The following SKA2 variants were observed in gnomAD, a reference collection of about 807,000 sequenced individuals.
SKA2 encodes the protein spindle and kinetochore associated complex subunit 2.
In SKA2, 13 loss-of-function variants were observed where a neutral mutation model predicts 16.9. That is an observed-to-expected ratio of 0.77 (90% CI 0.50 to 1.22). SKA2 has a LOEUF of 1.22. SKA2 is among the 50% of genes most tolerant of loss of function. The pLI is 0.00. For missense variants in SKA2, 107 were observed against 139.7 expected, an observed-to-expected ratio of 0.77 and a Z score of 1.18; for synonymous variants, 47 against 48.5, an observed-to-expected ratio of 0.97 and a Z score of 0.13.
intron 2 of SKA2, among the ~76,000 whole-genome samples, chr17:59,124,893 T>TAGCACC (rs1378954951): frequency 6.6e-6 from 1 of 152,130 alleles, no homozygotes; most frequent in Non-Finnish European, 1.5e-5. Context: ...GGTTAGGACT[T>TAGCACC]AGCACCATAC....
rs182748207 is a variant in SKA2 at position 59,150,961 on chromosome 17, A to G, written c.33+4170T>C. Among the ~76,000 whole-genome samples the G allele has an allele frequency of 9.8e-4, 150 of 152,302 alleles. 1 individual carries two copies. Among genetic ancestry groups the G allele is most frequent in the African/African-American group, 3.4e-3 (140 of 41,568 alleles). ...AAATATTCTCCAGACGTGTTTCATAATGCAGTAAAATATTGTTTTTAATTA... is the reference window on the plus strand; with the variant it reads ...AAATATTCTCCAGACGTGTTTCATAGTGCAGTAAAATATTGTTTTTAATTA... On this transcript the variant is annotated intron_variant, in intron 1 of 3. Coordinates refer to ENST00000330137, the MANE Select transcript of SKA2 (RefSeq NM_182620.4).
rs2046259016 is a variant in SKA2 at position 59,110,788 on chromosome 17, C to CAAAACAA, written c.*1488_*1489insTTGTTTT. The CAAAACAA allele has an allele frequency of 3.7e-5, 2 of 53,596 alleles. No homozygotes were observed. The highest frequency in any genetic ancestry group is 6.7e-5 in the Non-Finnish European group (2 of 29,648). The allele number at this position is 53,596 out of a possible 1,614,324, so 3.3% of individuals were successfully genotyped here. Reference sequence around the variant, plus strand: ...TGGGCAACAGAGTGAGACTCCGTCTCAAAAAAAAAAAAAAAAAAAAAAAGG... The same window carrying CAAAACAA: ...TGGGCAACAGAGTGAGACTCCGTCTCAAAACAAAAAAAAAAAAAAAAAAAAAAAAAGG... On this transcript the variant is annotated 3_prime_UTR_variant, in exon 4 of 4. Transcript: ENST00000330137.
chr17:59,116,303 G>A (rs1216309309), intron 3 of SKA2, among the ~76,000 whole-genome samples: 2 of 152,190 alleles, frequency 1.3e-5, no homozygotes, highest in Non-Finnish European at 2.9e-5. Flanking sequence ...AATCCAGGAG[G>A]CGGAAGTTGC....
intron 2 of SKA2, among the ~76,000 whole-genome samples, chr17:59,125,224 C>A (rs1397228363): frequency 1.4e-5 from 2 of 146,442 alleles, no homozygotes; most frequent in Non-Finnish European, 3.0e-5. Context: ...TCCTGGCCCT[C>A]AGGTGATCCA....
At chr17:59,136,674 G>A (rs558099040) in intron 1 of SKA2, among the ~76,000 whole-genome samples, 10 of 151,598 alleles carry the variant, frequency 6.6e-5, no homozygotes, top group African/African-American at 9.7e-5. Flanking sequence ...TCATCCTCCC[G>A]AGCGGATGGG....
chr17:59,116,765 G>T (rs2046298933), intron 3 of SKA2, among the ~76,000 whole-genome samples: 2 of 130,292 alleles, frequency 1.5e-5, no homozygotes, highest in African/African-American at 2.9e-5. Context: ...TAACCTTTTG[G>T]TTATTTTAGA....
chr17:59,116,478 T>C (rs948234319), intron 3 of SKA2, among the ~76,000 whole-genome samples: 26 of 152,330 alleles, frequency 1.7e-4, no homozygotes, highest in African/African-American at 6.0e-4. Context: ...AGAAAGATTA[T>C]GAAATTAGTA....
chr17:59,112,905 T>C (rs1454954104), intron 3 of SKA2, among the ~76,000 whole-genome samples: 1 of 152,026 alleles, frequency 6.6e-6, no homozygotes, highest in Non-Finnish European at 1.5e-5. Flanking sequence ...CCATCTAATT[T>C]TTTTCCAAAA....
intron 1 of SKA2, chr17:59,137,761 G>A (rs751425339): frequency 3.8e-6 from 2 of 524,248 alleles, no homozygotes; most frequent in East Asian, 1.1e-4. Context: ...TCTGCAGCCT[G>A]CCCATTGTTC....
chr17:59,135,120 C>A (rs1293770978), intron 1 of SKA2, among the ~76,000 whole-genome samples: 22 of 152,148 alleles, frequency 1.4e-4, no homozygotes, highest in Non-Finnish European at 7.4e-5. Flanking sequence ...CAGGTGTGAG[C>A]CACCAGCCTG....
At chr17:59,119,694 A>G (rs1486962018) in intron 2 of SKA2, among the ~76,000 whole-genome samples, 199 bp from the exon 3 acceptor site, 1 of 152,272 alleles carries the variant, frequency 6.6e-6, no homozygotes, top group Admixed American at 6.5e-5. Flanking sequence ...TTCTCAAGGA[A>G]TTTATAGCCT....
chr17:59,112,411 T>G, intron 3 of SKA2, 66 bp from the exon 4 acceptor site: 1 of 1,168,534 alleles, frequency 8.6e-7, no homozygotes, highest in Non-Finnish European at 1.3e-6. Flanking sequence ...TTTAGTTAAC[T>G]TCTGCATTGT....
intron 1 of SKA2, among the ~76,000 whole-genome samples, chr17:59,134,000 T>C (rs1325797170): frequency 6.6e-6 from 1 of 152,198 alleles, no homozygotes; most frequent in East Asian, 1.9e-4. Flanking sequence ...GCTTTTCATT[T>C]ATCCTCTATA....
chr17:59,148,417 A>C (rs755847754), intron 1 of SKA2, among the ~76,000 whole-genome samples: 4 of 152,118 alleles, frequency 2.6e-5, no homozygotes, highest in Non-Finnish European at 5.9e-5. Context: ...CTCTAAAAAA[A>C]TAAAAATAAA....
chr17:59,126,602 T>C (rs949694154), intron 2 of SKA2, among the ~76,000 whole-genome samples: 1 of 152,076 alleles, frequency 6.6e-6, no homozygotes, highest in Non-Finnish European at 1.5e-5. Flanking sequence ...TGGACAAATC[T>C]ACAAAGATTA....
At chr17:59,145,030 G>A (rs558411492) in intron 1 of SKA2, among the ~76,000 whole-genome samples, 19 of 152,174 alleles carry the variant, frequency 1.2e-4, no homozygotes, top group African/African-American at 3.4e-4. Flanking sequence ...ACTCCTGACC[G>A]CAGATGATCC....
At chr17:59,154,890 A>G in intron 1 of SKA2, 1 of 1,560,944 alleles carries the variant, frequency 6.4e-7, no homozygotes, top group Non-Finnish European at 8.8e-7. Context: ...AAGGAATTCC[A>G]AAGGCCCCGC....
At chr17:59,115,848 G>A (rs2046292801) in intron 3 of SKA2, among the ~76,000 whole-genome samples, 1 of 152,072 alleles carries the variant, frequency 6.6e-6, no homozygotes, top group Non-Finnish European at 1.5e-5. Context: ...ATTTTTCCAG[G>A]AATTAAAGTC....
At chr17:59,141,441 C>T (rs986203754) in intron 1 of SKA2, among the ~76,000 whole-genome samples, 3 of 150,836 alleles carry the variant, frequency 2.0e-5, no homozygotes, top group East Asian at 2.0e-4. Flanking sequence ...AAATGACAGC[C>T]GCGGCTGTGC....
Sources: allele counts gnomAD v4.1 joint callset (sites outside exome capture counted in the v4.1 genomes callset), GRCh38; gene constraint gnomAD v4.1.1; transcripts MANE v1.5; gene names NCBI Gene and HGNC (gene_info 2026-07-23, HGNC 2026-07-21).